CCN2: variants seen among roughly 807,000 people sequenced by gnomAD.
CCN2 encodes CCN family member 2.
In CCN2, 22 loss-of-function variants were observed where a neutral mutation model predicts 33.2. That is an observed-to-expected ratio of 0.66 (90% CI 0.47 to 0.95). The LOEUF is 0.95. Among genes scored for constraint, CCN2 ranks in the 40% least tolerant of loss-of-function variants. The probability of loss-of-function intolerance (pLI) is 0.00; values close to 1 mark genes in which losing one functional copy is unlikely to be tolerated. For synonymous variants in CCN2, 178 were observed against 200.6 expected, an observed-to-expected ratio of 0.89 and a Z score of 0.95; for missense variants, 469 against 498.8, an observed-to-expected ratio of 0.94 and a Z score of 0.57.
In CCN2 at chr6:131,949,323, C is replaced by T. The variant is rs770759170; in HGVS notation, c.991G>A (p.Gly331Arg). Residue 331 changes from glycine to arginine, a missense_variant, in exon 5 of 5, where the codon GGA becomes AGA. Transcript: ENST00000367976. ...AGCGATTCAAAGATGTCATTGTCTC[C>T]GGGACAGTTGTAATGGCAGGCACAG... ...KTCACHYNCP[G>R]DNDIFESLYY... The T allele has an allele frequency of 7.4e-6, 12 of 1,614,054 alleles. No homozygotes were observed. In the Admixed American group the frequency reaches 1.7e-4, roughly 22 times the overall value.
In CCN2 at chr6:131,950,824, C is replaced by A. The variant is rs752896023; in HGVS notation, c.235G>T (p.Gly79Cys). 2 of 1,543,036 alleles carry A rather than the reference C, an allele frequency of 1.3e-6. No individual in the cohort carries two copies. The highest frequency in any genetic ancestry group is 1.7e-6 in the Non-Finnish European group (2 of 1,151,558). Residue 79 changes from glycine (G) to cysteine (C), a missense_variant, in exon 2 of 5, where the codon GGC (glycine) becomes TGC (cysteine). Physicochemically the swap from Gly to Cys is radical, Grantham distance 159. Coordinates refer to ENST00000367976, the MANE Select transcript of CCN2 (RefSeq NM_001901.4). This position sits in a 1 kb window ranked among gnomAD's most constrained non-coding sequence, Gnocchi z 7.1. ...GGGGAGCCGAAGTGACAGAATAGGC[C>A]CTTGTGCGGGTCGCATGGGTCGCGC... Reference protein sequence around the residue: ...TERDPCDPHKGLFCHFGSPAN... With the variant: ...TERDPCDPHKCLFCHFGSPAN...
At position 131,950,568 on chromosome 6, in the gene CCN2, G is replaced by T. The variant is rs754207337; in HGVS notation, c.290-25C>A. 3.7e-6 allele frequency: 6 copies of T among 1,608,408 alleles called. No individual in the cohort carries two copies. In the African/African-American group the frequency reaches 5.3e-5, roughly 14 times the overall value. On this transcript the variant is annotated intron_variant, in intron 2 of 4. Coordinates refer to ENST00000367976, the MANE Select transcript of CCN2 (RefSeq NM_001901.4). The surrounding 1 kb of genome is among the most constrained non-coding windows in gnomAD (Gnocchi z 7.1). ...GCTGGAGAAGAGGAAGGGAAGAGAG[G>T]GGTGGGGGATGCAGAGGTCAGGCAT...
In CCN2 at chr6:131,949,977, C is replaced by A. The variant is rs1434255647; in HGVS notation, c.725G>T (p.Cys242Phe). ...AATGTTCTCTTCCAGGTCAGCTTCG[C>A]AAGGCCTGACCATGCACAGGCGGCT... is the stretch of plus-strand genomic sequence containing the variant. ...KQSRLCMVRPCEADLEENIKK... is the reference protein window; with the variant it reads ...KQSRLCMVRPFEADLEENIKK... Residue 242 changes from cysteine to phenylalanine, a missense_variant, in exon 4 of 5, where the codon TGC becomes TTC. Transcript: ENST00000367976. The A allele has an allele frequency of 1.9e-6, 3 of 1,614,208 alleles. No individual in the cohort carries two copies. In the Admixed American group the frequency reaches 5.0e-5, roughly 27 times the overall value.
intron 1 of CCN2, 24 bp downstream of exon 1, chr6:131,951,083 G>A (rs1172185625): frequency 2.3e-6 from 3 of 1,298,698 alleles, no homozygotes; most frequent in Admixed American, 3.6e-5. Context: ...GCCGCCGGCC[G>A]CAGCGGGGGC....
Position 131,949,273 on chromosome 6 carries a change from G to A in CCN2, c.1041C>T (p.Asp347=). Residue 347 remains aspartate (D), a synonymous_variant, in exon 5 of 5, where the codon GAC becomes GAT. Coordinates refer to ENST00000367976, the MANE Select transcript of CCN2 (RefSeq NM_001901.4). ...ESLYYRKMYG[D]MA ...CTCTCACTCTCTGGCTTCATGCCAT[G>A]TCTCCGTACATCTTCCTGTAGTACA... The A allele has an allele frequency of 6.2e-7, 1 of 1,613,338 alleles. No individual in the cohort carries two copies. Among genetic ancestry groups the A allele is most frequent in the Non-Finnish European group, 8.5e-7 (1 of 1,179,366 alleles).
chr6:131,949,475 C>A lies in CCN2; in HGVS notation c.839G>T (p.Arg280Leu). The A allele has an allele frequency of 6.2e-7, 1 of 1,613,566 alleles. No homozygotes were observed. ...LSGCTSMKTY[R>L]AKFCGVCTDG... is the part of the protein sequence containing the mutation. ...GGTACATACTCCACAGAATTTAGCTCGGTATGTCTTCATGCTGGTGCAGCC... is the reference window on the plus strand; with the variant it reads ...GGTACATACTCCACAGAATTTAGCTAGGTATGTCTTCATGCTGGTGCAGCC... The change falls in exon 5 of 5, where the codon CGA (arginine) becomes CTA (leucine). Residue 280 changes from arginine to leucine, a missense_variant. By Grantham distance (102) the Arg-to-Leu change is moderately radical (BLOSUM62 -2). Coordinates refer to ENST00000367976, the MANE Select transcript of CCN2 (RefSeq NM_001901.4).
rs1783093060 is a variant in CCN2 at position 131,950,724 on chromosome 6, GGGA to G, written c.289+43_289+45del. ...TTTTCCAGCGGGCGGGTGGGCGTGA[GGGA>G]GGAGGCGGCCGGACACCTAGCGGTG... On this transcript the variant is annotated intron_variant, in intron 2 of 4. Transcript: ENST00000367976. This position sits in a 1 kb window ranked among gnomAD's most constrained non-coding sequence, Gnocchi z 7.1. 2 of 1,494,072 alleles carry G rather than the reference GGGA, an allele frequency of 1.3e-6. No individual in the cohort carries two copies. Among genetic ancestry groups the G allele is most frequent in the African/African-American group, 2.8e-5 (2 of 72,720 alleles). The allele number at this position is 1,494,072 out of a possible 1,614,324, so 92.6% of individuals were successfully genotyped here. A position where few individuals can be genotyped will look rare whatever the true frequency, so the allele number is the denominator to read the frequency against.
Position 131,950,864 on chromosome 6 carries a change from G to A in CCN2, c.195C>T (p.Gly65=), listed in dbSNP as rs1417209415. 2 of 1,533,686 alleles carry A rather than the reference G, an allele frequency of 1.3e-6. No individual in the cohort carries two copies. The highest frequency in any genetic ancestry group is 4.9e-5 in the East Asian group (2 of 40,880). ...GCCRVCAKQL[G]ELCTERDPCD... ...ATGGGTCGCGCTCGGTGCACAGCTC[G>A]CCCAGCTGCTTGGCGCAGACGCGGC... Residue 65 remains glycine (G), a synonymous_variant, in exon 2 of 5, where the codon GGC becomes GGT. Transcript: ENST00000367976. This position sits in a 1 kb window ranked among gnomAD's most constrained non-coding sequence, Gnocchi z 7.1.
Position 131,950,494 on chromosome 6 carries a change from T to C in CCN2, c.339A>G (p.Gly113=), listed in dbSNP as rs867462886. Residue 113 remains glycine, a synonymous_variant, in exon 3 of 5, where the codon GGA becomes GGG. Coordinates refer to ENST00000367976, the MANE Select transcript of CCN2 (RefSeq NM_001901.4). The surrounding 1 kb of genome is among the most constrained non-coding windows in gnomAD (Gnocchi z 7.1). ...ACTTGCAGCTGCTCTGGAAGGACTC[T>C]CCGCTGCGGTACACCGTACCACCGA... ...CIFGGTVYRS[G]ESFQSSCKYQ... The C allele has an allele frequency of 6.2e-7, 1 of 1,613,784 alleles. No individual in the cohort carries two copies.
chr6:131,950,641 G>A lies in CCN2; in HGVS notation c.290-98C>T, dbSNP rs1025054143. 2.6e-6 allele frequency: 4 copies of A among 1,537,358 alleles called. No individual in the cohort carries two copies. The highest frequency in any genetic ancestry group is 3.5e-6 in the Non-Finnish European group (4 of 1,132,552). On this transcript the variant is annotated intron_variant, in intron 2 of 4. Coordinates refer to ENST00000367976, the MANE Select transcript of CCN2 (RefSeq NM_001901.4). The surrounding 1 kb of genome is among the most constrained non-coding windows in gnomAD (Gnocchi z 7.1). ...CGTCAGGGATGCGAGTTGGGATCTGGGCTGCAGGGGGCGGGCTGGCAGCAG... is the reference window on the plus strand; with the variant it reads ...CGTCAGGGATGCGAGTTGGGATCTGAGCTGCAGGGGGCGGGCTGGCAGCAG...
Position 131,950,124 on chromosome 6 carries a change from G to T in CCN2, c.578C>A (p.Thr193Asn). ...RLEDTFGPDPTMIRANCLVQT... is the reference protein window; with the variant it reads ...RLEDTFGPDPNMIRANCLVQT... ...GACCAGGCAGTTGGCTCTAATCATAGTTGGGTCTGGGCCAAACGTGTCTTC... is the reference window on the plus strand; with the variant it reads ...GACCAGGCAGTTGGCTCTAATCATATTTGGGTCTGGGCCAAACGTGTCTTC... Residue 193 changes from threonine to asparagine, a missense_variant, in exon 4 of 5, where the codon ACT (threonine) becomes AAT (asparagine). Physicochemically the swap from Thr to Asn is moderately conservative, Grantham distance 65 (BLOSUM62 0). Coordinates refer to ENST00000367976, the MANE Select transcript of CCN2 (RefSeq NM_001901.4). The surrounding 1 kb of genome is among the most constrained non-coding windows in gnomAD (Gnocchi z 7.1). 6.2e-7 allele frequency: 1 copy of T among 1,614,248 alleles called. No homozygotes were observed. Among genetic ancestry groups the T allele is most frequent in the Non-Finnish European group, 8.5e-7 (1 of 1,180,036 alleles).
rs762229756 is a variant in CCN2 at position 131,950,572 on chromosome 6, G to C, written c.290-29C>G. On this transcript the variant is annotated intron_variant, in intron 2 of 4. Transcript: ENST00000367976. This position sits in a 1 kb window ranked among gnomAD's most constrained non-coding sequence, Gnocchi z 7.1. The stretch of plus-strand genomic sequence containing the variant: ...GAGAAGAGGAAGGGAAGAGAGGGGT[G>C]GGGGATGCAGAGGTCAGGCATTGGG... 5.6e-6 allele frequency: 9 copies of C among 1,606,258 alleles called. No homozygotes were observed. In the South Asian group the frequency reaches 7.8e-5, roughly 14 times the overall value.
rs191308681 is a variant in CCN2 at position 131,948,506 on chromosome 6, A to C, written c.*758T>G. 3 of 152,760 alleles carry C rather than the reference A, an allele frequency of 2.0e-5. No individual in the cohort carries two copies. In the East Asian group the frequency reaches 5.8e-4, roughly 29 times the overall value. 9.5% of individuals were successfully genotyped at this position (152,760 alleles called of 1,614,324 possible). A position where few individuals can be genotyped will look rare whatever the true frequency, so the allele number is the denominator to read the frequency against. ...AAGTATCCATTTCATGCTTTGAACG[A>C]TCAGACAAGCTTTACATTCTACCTA... On this transcript the variant is annotated 3_prime_UTR_variant, in exon 5 of 5. Coordinates refer to ENST00000367976, the MANE Select transcript of CCN2 (RefSeq NM_001901.4).
rs551092248 is a variant in CCN2 at position 131,949,387 on chromosome 6, G to A, written c.927C>T (p.Asp309=). The A allele has an allele frequency of 1.9e-6, 3 of 1,614,162 alleles. No individual in the cohort carries two copies. The highest frequency in any genetic ancestry group is 1.7e-5 in the Admixed American group (1 of 60,018). ...TTLPVEFKCP[D]GEVMKKNMMF... is the part of the protein sequence containing the mutation. ...TCATGTTCTTCTTCATGACCTCGCCGTCAGGGCACTTGAACTCCACCGGCA... is the reference window on the plus strand; with the variant it reads ...TCATGTTCTTCTTCATGACCTCGCCATCAGGGCACTTGAACTCCACCGGCA... Residue 309 remains aspartate (D), a synonymous_variant, in exon 5 of 5, where the codon GAC becomes GAT. Coordinates refer to ENST00000367976, the MANE Select transcript of CCN2 (RefSeq NM_001901.4).
At chr6:131,949,823 A>G in intron 4 of CCN2, 126 bp downstream of exon 4, 2 of 980,744 alleles carry the variant, frequency 2.0e-6, no homozygotes, top group Non-Finnish European at 3.0e-6. Flanking sequence ...TTCCAGCAAA[A>G]CAGCTCAATG....
Position 131,950,296 on chromosome 6 carries a change from G to A in CCN2, c.537C>T (p.Leu179=). Residue 179 remains leucine, a synonymous_variant, in exon 3 of 5, where the codon CTC becomes CTT. Transcript: ENST00000367976. This position sits in a 1 kb window ranked among gnomAD's most constrained non-coding sequence, Gnocchi z 7.1. ...PKDQTVVGPA[L]AAYRLEDTFG... is the part of the protein sequence containing the mutation. ...TTAGAGGAAGACTCGACTCACCCGC[G>A]AGGGCAGGCCCAACCACGGTTTGGT... 6.2e-7 allele frequency: 1 copy of A among 1,613,168 alleles called. No individual in the cohort carries two copies. Among genetic ancestry groups the A allele is most frequent in the Admixed American group, 1.7e-5 (1 of 60,020 alleles).
At position 131,950,228 on chromosome 6, in the gene CCN2, C is replaced by G; in HGVS notation, c.541+64G>C. 1 of 1,610,814 alleles carries G rather than the reference C, an allele frequency of 6.2e-7. No individual in the cohort carries two copies. The highest frequency in any genetic ancestry group is 8.5e-7 in the Non-Finnish European group (1 of 1,177,576). On this transcript the variant is annotated intron_variant, in intron 3 of 4. Coordinates refer to ENST00000367976, the MANE Select transcript of CCN2 (RefSeq NM_001901.4). The surrounding 1 kb of genome is among the most constrained non-coding windows in gnomAD (Gnocchi z 7.1). ...TAAGGTATTTCCCCCGTTCGGTCGG[C>G]ACAGTTAGGACTCCCTCCCTGGGAG...
Position 131,949,222 on chromosome 6 carries a change from C to A in CCN2, c.*42G>T. 6.5e-7 allele frequency: 1 copy of A among 1,537,920 alleles called. No homozygotes were observed. Among genetic ancestry groups the A allele is most frequent in the Non-Finnish European group, 9.0e-7 (1 of 1,113,750 alleles). ...CGGAAAAATGAGATGTGAATCAGTT[C>A]AAGTTCCAGTCTAATGAGTTAATGT... On this transcript the variant is annotated 3_prime_UTR_variant, in exon 5 of 5. Transcript: ENST00000367976.
In CCN2 at chr6:131,951,301, G is replaced by A; in HGVS notation, c.-129C>T. ...GCTGTCGTCTCGGGGCTGTCGGCCG[G>A]GGCGGCTGCCGTCGAGCTGGAGGGT... is the stretch of plus-strand genomic sequence containing the variant. On this transcript the variant is annotated 5_prime_UTR_variant, in exon 1 of 5. Coordinates refer to ENST00000367976, the MANE Select transcript of CCN2 (RefSeq NM_001901.4). 1.3e-6 allele frequency: 1 copy of A among 784,440 alleles called. No individual in the cohort carries two copies. Among genetic ancestry groups the A allele is most frequent in the Non-Finnish European group, 1.7e-6 (1 of 585,822 alleles). 48.6% of individuals were successfully genotyped at this position (784,440 alleles called of 1,614,324 possible). A position where few individuals can be genotyped will look rare whatever the true frequency, so the allele number is the denominator to read the frequency against.
Sources: allele counts gnomAD v4.1 joint callset, GRCh38; gene constraint gnomAD v4.1.1; non-coding constraint Gnocchi (gnomAD v3.1); transcripts MANE v1.5; gene names NCBI Gene and HGNC (gene_info 2026-07-23, HGNC 2026-07-21).